The following ZEB2 variants were observed in gnomAD, a reference collection of about 807,000 sequenced individuals.
ZEB2 encodes the protein zinc finger E-box binding homeobox 2.
ZEB2 carries 6 observed loss-of-function variants against 99.9 expected under a neutral mutation model. The ratio of observed to expected loss-of-function variants is 0.06; its 90% CI spans 0.03 to 0.12. The LOEUF is 0.12. Ranked by LOEUF, ZEB2 falls within the 10% of genes least tolerant of loss-of-function variation. The pLI is 1.00. For synonymous variants in ZEB2, 517 were observed against 542.5 expected (o/e 0.95, Z 0.65); for missense variants, 969 against 1,502.8 (o/e 0.64, Z 5.87).
intron 1 of ZEB2, 35 bp from the exon 2 acceptor site, chr2:144,517,454 C>T: frequency 1.4e-6 from 2 of 1,456,812 alleles, no homozygotes; most frequent in Non-Finnish European, 1.9e-6. Context: ...GTGGGCATCG[C>T]CCGCGCCCAT....
chr2:144,516,222 A>ACCCCCCCCCCCCC (rs113175667), intron 2 of ZEB2: 1 of 89,646 alleles, frequency 1.1e-5, no homozygotes, highest in Non-Finnish European at 2.4e-5. Context: ...CAGCTCCCCC[A>ACCCCCCCCCCCCC]CCCCCCCCCG....
At chr2:144,492,291 G>A (rs901630604) in intron 2 of ZEB2, among the ~76,000 whole-genome samples, 2 of 152,156 alleles carry the variant, frequency 1.3e-5, no homozygotes, top group Admixed American at 1.3e-4. Flanking sequence ...TGGAACAGGG[G>A]TAAGATATCT....
chr2:144,438,912 C>A (rs575749175), intron 2 of ZEB2, among the ~76,000 whole-genome samples: 2 of 152,106 alleles, frequency 1.3e-5, no homozygotes, highest in Admixed American at 1.3e-4. Flanking sequence ...CAAAACCAGA[C>A]AACGGTGAAA....
At chr2:144,431,923 G>A (rs1703776833) in intron 2 of ZEB2, among the ~76,000 whole-genome samples, 1 of 150,546 alleles carries the variant, frequency 6.6e-6, no homozygotes, top group Admixed American at 6.6e-5. Flanking sequence ...CTGGGCACAG[G>A]AGGAATAAAG....
At chr2:144,481,377 T>C (rs1335322212) in intron 2 of ZEB2, among the ~76,000 whole-genome samples, 4 of 152,212 alleles carry the variant, frequency 2.6e-5, no homozygotes, top group African/African-American at 9.7e-5. Context: ...TCCTCCTGTT[T>C]CTTGTGCCTG....
intron 2 of ZEB2, among the ~76,000 whole-genome samples, chr2:144,478,079 T>C (rs539824529): frequency 3.9e-5 from 6 of 152,262 alleles, no homozygotes; most frequent in South Asian, 2.1e-4. Flanking sequence ...CTGAGACAGA[T>C]TGCGACACAT....
In ZEB2 at chr2:144,401,275, G is replaced by A; in HGVS notation, c.840C>T (p.Arg280=). Residue 280 remains arginine, a synonymous_variant, in exon 7 of 10, where the codon CGC becomes CGT. Coordinates refer to ENST00000627532, the MANE Select transcript of ZEB2 (RefSeq NM_014795.4). ...TGCCACACTCTGTGCATTTGAACTT[G>A]CGATTACCTGCTCCTTGGGTTAGCA... ...HQMLTQGAGN[R]KFKCTECGKA... is the part of the protein sequence containing the mutation. 1 of 1,614,162 alleles carries A rather than the reference G, an allele frequency of 6.2e-7. No individual in the cohort carries two copies.
At chr2:144,408,919 C>A (rs1703421572) in intron 4 of ZEB2, among the ~76,000 whole-genome samples, 2 of 148,720 alleles carry the variant, frequency 1.3e-5, no homozygotes, top group Admixed American at 1.3e-4. Flanking sequence ...GGACTTTGTT[C>A]CAGAAAAAGC....
intron 2 of ZEB2, among the ~76,000 whole-genome samples, chr2:144,449,202 T>C (rs1157082779): frequency 6.6e-6 from 1 of 152,078 alleles, no homozygotes; most frequent in Non-Finnish European, 1.5e-5. Context: ...GAGAATGAAC[T>C]TCTACACTGC....
At chr2:144,463,071 A>G (rs1355134291) in intron 2 of ZEB2, 2 of 152,192 alleles carry the variant, frequency 1.3e-5, no homozygotes, top group Non-Finnish European at 2.9e-5. Flanking sequence ...CCAATAGGGT[A>G]GCAACTGCCA....
chr2:144,497,882 CAT>C (rs10651898), intron 2 of ZEB2: 3 of 2,726 alleles, frequency 1.1e-3, no homozygotes, highest in African/African-American at 2.1e-3. Flanking sequence ...TCATTCTCAA[CAT>C]ATATATATAT....
chr2:144,475,657 A>T (rs1704420166), intron 2 of ZEB2, among the ~76,000 whole-genome samples: 1 of 152,156 alleles, frequency 6.6e-6, no homozygotes, highest in Admixed American at 6.5e-5. Context: ...TGTACTACTG[A>T]TAGCTCTTGA....
rs944697000 is a variant in ZEB2 at position 144,404,195 on chromosome 2, T to C, written c.593-65A>G. 9.6e-6 allele frequency: 15 copies of C among 1,555,198 alleles called. No homozygotes were observed. In the African/African-American group the frequency reaches 2.0e-4, roughly 21 times the overall value. On this transcript the variant is annotated intron_variant, in intron 5 of 9. Coordinates refer to ENST00000627532, the MANE Select transcript of ZEB2 (RefSeq NM_014795.4). ...AGGTCAGTAAATCAATGGCAGCTAA[T>C]GGGCTGACTGCCCGGGATGGTATGA...
intron 4 of ZEB2, among the ~76,000 whole-genome samples, chr2:144,414,966 G>GTGTGTGTT (rs112933478): frequency 2.0e-5 from 3 of 149,944 alleles, no homozygotes; most frequent in African/African-American, 7.4e-5. Flanking sequence ...GTGTGTGTGT[G>GTGTGTGTT]TTTGTATATG....
At chr2:144,458,470 G>A (rs1490877888) in intron 2 of ZEB2, among the ~76,000 whole-genome samples, 1 of 151,992 alleles carries the variant, frequency 6.6e-6, no homozygotes, top group Non-Finnish European at 1.5e-5. Context: ...GGTATTGATT[G>A]ATTATCACAG....
intron 9 of ZEB2, among the ~76,000 whole-genome samples, chr2:144,393,523 T>C (rs939986104): frequency 6.6e-6 from 1 of 152,226 alleles, no homozygotes; most frequent in Non-Finnish European, 1.5e-5. Context: ...ATAATTTTCA[T>C]CTTAGTGCAT....
At chr2:144,405,076 T>C (rs1170004816) in intron 4 of ZEB2, 52 bp from the exon 5 acceptor site, 1 of 1,574,464 alleles carries the variant, frequency 6.4e-7, no homozygotes, top group Admixed American at 1.7e-5. Context: ...CTTCCTAGGA[T>C]CCCAAGTCCA....
rs1705184433 is a variant in ZEB2, at chr2:144,517,698, A to G, written c.-69-279T>C. ...TCATAACTCCTGACCGTATGAGGGA[A>G]TGCACACGGCGGTACAGTAAGACCG... On this transcript the variant is annotated intron_variant, in intron 1 of 9. Coordinates refer to ENST00000627532, the MANE Select transcript of ZEB2 (RefSeq NM_014795.4). 4.1e-5 allele frequency: 29 copies of G among 701,604 alleles called. No homozygotes were observed. In the East Asian group the frequency reaches 7.3e-4, roughly 18 times the overall value. 43.5% of individuals were successfully genotyped at this position (701,604 alleles called of 1,614,324 possible).
chr2:144,396,301 T>G (rs1220806454), intron 9 of ZEB2, 111 bp downstream of exon 9: 4 of 1,367,572 alleles, frequency 2.9e-6, no homozygotes, highest in Non-Finnish European at 4.2e-6. Flanking sequence ...TCTTCCTTGT[T>G]GAAGGTATCA....
Sources: allele counts gnomAD v4.1 joint callset (sites outside exome capture counted in the v4.1 genomes callset), GRCh38; gene constraint gnomAD v4.1.1; transcripts MANE v1.5; gene names NCBI Gene and HGNC (gene_info 2026-07-23, HGNC 2026-07-21).